Variants in UTP6 observed in about 807,000 individuals in gnomAD.
UTP6 encodes the protein U3 small nucleolar RNA-associated protein 6 homolog.
UTP6 carries 60 observed loss-of-function variants against 96.5 expected under a neutral mutation model. The observed-to-expected ratio is 0.62, with a 90% CI of 0.51 to 0.77. UTP6 has a LOEUF of 0.77. Among genes scored for constraint, UTP6 ranks in the 30% least tolerant of loss-of-function variants. The pLI, the probability that UTP6 is intolerant of heterozygous loss-of-function variation, is 0.00. For synonymous variants in UTP6, 215 were observed against 240.1 expected (o/e 0.90, Z 0.96); for missense variants, 637 against 706.5 (o/e 0.90, Z 1.12).
In UTP6 at chr17:31,894,643, A is replaced by C. The variant is rs754984261; in HGVS notation, c.312+2T>G. ...AAAGTTAAGGATGCCTTGATCACTC[A>C]CTTTCCATTTTGCTGAGGCACGCTG... On this transcript the variant is annotated splice_donor_variant, in intron 4 of 18. Coordinates refer to ENST00000261708, the MANE Select transcript of UTP6 (RefSeq NM_018428.3). LOFTEE classifies it high-confidence loss of function. 4 of 1,601,034 alleles carry C rather than the reference A, an allele frequency of 2.5e-6. No individual in the cohort carries two copies. The South Asian group carries it at 4.5e-5, about 18-fold the overall frequency.
intron 3 of UTP6, 24 bp from the exon 4 acceptor site, chr17:31,894,761 G>C (rs1242846358): frequency 6.3e-7 from 1 of 1,578,140 alleles, no homozygotes; most frequent in African/African-American, 1.3e-5. Context: ...TAAAAAAACA[G>C]AGCCTCAACT....
intron 16 of UTP6, among the ~76,000 whole-genome samples, chr17:31,871,136 C>T (rs1910148499): frequency 6.6e-6 from 1 of 151,890 alleles, no homozygotes; most frequent in African/African-American, 2.4e-5. Context: ...AATACAGGCG[C>T]CTGCCACCAC....
Position 31,884,102 on chromosome 17 carries a change from G to C in UTP6, c.785+322C>G, listed in dbSNP as rs555414549. On this transcript the variant is annotated intron_variant, in intron 10 of 18. Transcript: ENST00000261708. ...CAACCTCCGCCTCCCAGGTTCAAGC[G>C]AGTCTCCTGGCTCAGCCTCCCAAGT... Among the ~76,000 whole-genome samples the C allele has an allele frequency of 2.7e-5, 4 of 150,904 alleles. No individual in the cohort carries two copies. In the South Asian group the frequency reaches 8.4e-4, roughly 32 times the overall value.
intron 1 of UTP6, among the ~76,000 whole-genome samples, chr17:31,900,015 G>C (rs1016721522): frequency 6.6e-6 from 1 of 151,656 alleles, no homozygotes; most frequent in African/African-American, 2.4e-5. Context: ...GTGGTGGTGC[G>C]TGCCTGTAGT....
chr17:31,887,018 G>GT (rs1490552829), intron 8 of UTP6, among the ~76,000 whole-genome samples: 1 of 151,878 alleles, frequency 6.6e-6, no homozygotes, highest in Admixed American at 6.6e-5. Context: ...GTTTCAAAAT[G>GT]TAACAACATT....
At chr17:31,885,448 A>G (rs1306104825) in intron 9 of UTP6, among the ~76,000 whole-genome samples, 1 of 151,136 alleles carries the variant, frequency 6.6e-6, no homozygotes, top group African/African-American at 2.4e-5. Context: ...CCCGGCCCAA[A>G]CCTATTAAAA....
chr17:31,869,708 G>C (rs1403661744), intron 16 of UTP6, among the ~76,000 whole-genome samples: 1 of 152,148 alleles, frequency 6.6e-6, no homozygotes, highest in Non-Finnish European at 1.5e-5. Flanking sequence ...GAGTACATGT[G>C]CAGGTTTGTT....
At chr17:31,873,279 T>C in intron 16 of UTP6, 99 bp downstream of exon 16, 1 of 1,161,684 alleles carries the variant, frequency 8.6e-7, no homozygotes. Context: ...GTGTATCAGA[T>C]TACTCCCTCA....
In UTP6 at chr17:31,892,308, G is replaced by T; in HGVS notation, c.376C>A (p.Leu126Ile). ...AACATGGCAGAGAATACCTTGCTAAGTCGAGTTTTAGTAGCCTGTAAAAAA... is the reference window on the plus strand; with the variant it reads ...AACATGGCAGAGAATACCTTGCTAATTCGAGTTTTAGTAGCCTGTAAAAAA... ...FCKKWATKTR[L>I]SKVFSAMLAI... The change falls in exon 6 of 19, where the codon CTT (leucine) becomes ATT (isoleucine). Residue 126 changes from leucine (L) to isoleucine (I), a missense_variant. By Grantham distance (5) the Leu-to-Ile change is conservative. Transcript: ENST00000261708. 6.2e-7 allele frequency: 1 copy of T among 1,614,104 alleles called. No individual in the cohort carries two copies. The highest frequency in any genetic ancestry group is 8.5e-7 in the Non-Finnish European group (1 of 1,180,020).
chr17:31,900,986 G>C (rs148068453), intron 1 of UTP6, among the ~76,000 whole-genome samples: 365 of 152,326 alleles, frequency 2.4e-3, no homozygotes, highest in African/African-American at 8.2e-3. Flanking sequence ...AACAGTCACA[G>C]AAACCATTAA....
chr17:31,886,095 G>T, intron 8 of UTP6, 34 bp from the exon 9 acceptor site: 1 of 1,581,490 alleles, frequency 6.3e-7, no homozygotes, highest in Non-Finnish European at 8.6e-7. Context: ...AACTTAACAG[G>T]TAGTACAAGG....
At chr17:31,899,501 G>A (rs927794881) in intron 2 of UTP6, 145 bp downstream of exon 2, 15 of 459,174 alleles carry the variant, frequency 3.3e-5, no homozygotes, top group Middle Eastern at 6.1e-4. Flanking sequence ...TAGGAGAATC[G>A]CTTGAGCCTG....
intron 16 of UTP6, 148 bp downstream of exon 16, chr17:31,873,230 G>A (rs1244492501): frequency 1.5e-6 from 1 of 684,004 alleles, no homozygotes; most frequent in East Asian, 2.8e-5. Context: ...CTCCAGCCTG[G>A]GCAACAGAGC....
rs1214273836 is a variant in UTP6, at chr17:31,875,393, A to T, written c.1146T>A (p.Tyr382Ter). The change falls in exon 14 of 19, where the codon TAT becomes TAA. Residue 382 changes from tyrosine to a stop codon, truncating the protein, a stop_gained. Coordinates refer to ENST00000261708, the MANE Select transcript of UTP6 (RefSeq NM_018428.3). LOFTEE classifies it high-confidence loss of function. Reference protein sequence around the residue: ...YKQLSVSLLCYNFLREALEVA... With the variant: ...YKQLSVSLLC ...CTTCCAGAGCTTCCCTCAGGAAGTTATAACACAGCAACGAAACACTCTAGA... is the reference window on the plus strand; with the variant it reads ...CTTCCAGAGCTTCCCTCAGGAAGTTTTAACACAGCAACGAAACACTCTAGA... The T allele has an allele frequency of 1.9e-6, 3 of 1,614,148 alleles. No individual in the cohort carries two copies. The highest frequency in any genetic ancestry group is 2.5e-6 in the Non-Finnish European group (3 of 1,180,020).
intron 5 of UTP6, among the ~76,000 whole-genome samples, 169 bp downstream of exon 5, chr17:31,892,578 T>C (rs1904384077): frequency 6.6e-6 from 1 of 152,250 alleles, no homozygotes; most frequent in African/African-American, 2.4e-5. Context: ...TCAATTGAAT[T>C]GGAAACCATA....
chr17:31,878,711 A>T lies in UTP6; in HGVS notation c.1038T>A (p.Leu346=). ...RFTKKSNSGF[L]RGKRLERTMT... is the part of the protein sequence containing the mutation. ...CATGTAACAACCTCACCTTCCCTCT[A>T]AGGAACCCACTATTTGACTTCTTAG... Residue 346 remains leucine, a synonymous_variant, in exon 12 of 19, where the codon CTT becomes CTA. Transcript: ENST00000261708. 4 of 1,614,016 alleles carry T rather than the reference A, an allele frequency of 2.5e-6. 1 individual carries two copies. In the South Asian group the frequency reaches 4.4e-5, roughly 18 times the overall value.
intron 16 of UTP6, among the ~76,000 whole-genome samples, chr17:31,870,468 GT>G (rs1248473662): frequency 6.8e-6 from 1 of 147,906 alleles, no homozygotes; most frequent in Non-Finnish European, 1.5e-5. Context: ...CAGCTATTAT[GT>G]TTGTTTTGTT....
intron 6 of UTP6, 134 bp from the exon 7 acceptor site, chr17:31,889,537 C>T (rs1236864295): frequency 1.3e-5 from 8 of 618,730 alleles, no homozygotes; most frequent in African/African-American, 1.9e-5. Context: ...CACTCTGTCG[C>T]CCAGGCTGGA....
intron 13 of UTP6, among the ~76,000 whole-genome samples, chr17:31,877,029 T>C (rs1381886159): frequency 1.3e-5 from 2 of 152,046 alleles, no homozygotes; most frequent in African/African-American, 4.8e-5. Flanking sequence ...ATTTTAAAAA[T>C]CAATAAACAA....
Sources: allele counts gnomAD v4.1 joint callset (sites outside exome capture counted in the v4.1 genomes callset), GRCh38; gene constraint gnomAD v4.1.1; transcripts MANE v1.5; gene names NCBI Gene and HGNC (gene_info 2026-07-23, HGNC 2026-07-21).